CLEC6A: variants seen among roughly 807,000 people sequenced by gnomAD.
The protein encoded by CLEC6A is C-type lectin domain containing 6A.
In CLEC6A, 22 loss-of-function variants were observed where a neutral mutation model predicts 25.7. The ratio of observed to expected loss-of-function variants is 0.85; its 90% CI spans 0.61 to 1.22. The LOEUF (loss-of-function observed/expected upper bound fraction) is 1.22. Ranked by LOEUF, CLEC6A falls within the 50% of genes most tolerant of loss-of-function variation. The pLI is 0.00. For missense variants in CLEC6A, 240 were observed against 236.8 expected (o/e 1.01, Z -0.09); for synonymous variants, 92 against 76.7 (o/e 1.20, Z -1.04).
intron 4 of CLEC6A, among the ~76,000 whole-genome samples, chr12:8,468,222 C>T (rs1157437918): frequency 2.6e-5 from 4 of 152,156 alleles, no homozygotes; most frequent in Admixed American, 6.5e-5. Context: ...GGATTACAGG[C>T]GTGAGCCACC....
Position 8,477,724 on chromosome 12 carries a change from C to T in CLEC6A, c.*260C>T. ...CTTGTTATTCATTTTTTTCTTTCTT[C>T]ACACTTCATTACACAAATATTTATT... On this transcript the variant is annotated 3_prime_UTR_variant, in exon 6 of 6. Transcript: ENST00000382073. The T allele has an allele frequency of 3.6e-6, 1 of 274,932 alleles. No homozygotes were observed. The allele number at this position is 274,932 out of a possible 1,614,324, so 17.0% of individuals were successfully genotyped here. A position where few individuals can be genotyped will look rare whatever the true frequency, so the allele number is the denominator to read the frequency against.
At position 8,477,682 on chromosome 12, in the gene CLEC6A, T is replaced by A; in HGVS notation, c.*218T>A. ...AATGATAGAATGCACCCTTCCTCTCTTTGTTCCATTCTTTCACTTGTTATT... is the reference window on the plus strand; with the variant it reads ...AATGATAGAATGCACCCTTCCTCTCATTGTTCCATTCTTTCACTTGTTATT... On this transcript the variant is annotated 3_prime_UTR_variant, in exon 6 of 6. Transcript: ENST00000382073. 2.7e-6 allele frequency: 1 copy of A among 363,904 alleles called. No homozygotes were observed. Among genetic ancestry groups the A allele is most frequent in the Non-Finnish European group, 4.9e-6 (1 of 203,426 alleles). The allele number at this position is 363,904 out of a possible 1,614,324, so 22.5% of individuals were successfully genotyped here. A position where few individuals can be genotyped will look rare whatever the true frequency, so the allele number is the denominator to read the frequency against.
intron 3 of CLEC6A, among the ~76,000 whole-genome samples, chr12:8,460,303 A>G (rs1035224611): frequency 6.6e-6 from 1 of 152,216 alleles, no homozygotes; most frequent in African/African-American, 2.4e-5. Flanking sequence ...CCTCACAATC[A>G]TGGTGGAAGG....
rs202005542 is a variant in CLEC6A at position 8,476,241 on chromosome 12, G to T, written c.485+1G>T. The T allele has an allele frequency of 1.5e-5, 23 of 1,544,172 alleles. No homozygotes were observed. The highest frequency in any genetic ancestry group is 1.5e-5 in the Non-Finnish European group (17 of 1,124,760). ...AGACACCTTATGAGAAAAATGTCAGGTGAGTGCAGTTCTGGGGCCTTGTTT... is the reference window on the plus strand; with the variant it reads ...AGACACCTTATGAGAAAAATGTCAGTTGAGTGCAGTTCTGGGGCCTTGTTT... On this transcript the variant is annotated splice_donor_variant, in intron 5 of 5. Coordinates refer to ENST00000382073, the MANE Select transcript of CLEC6A (RefSeq NM_001007033.2). LOFTEE classifies it high-confidence loss of function.
chr12:8,459,170 T>G (rs1325670126), intron 2 of CLEC6A, among the ~76,000 whole-genome samples: 1 of 152,126 alleles, frequency 6.6e-6, no homozygotes, highest in African/African-American at 2.4e-5. Context: ...TGTAGGTGTT[T>G]GTGATTAAAA....
At chr12:8,465,346 C>A in intron 3 of CLEC6A, 138 bp from the exon 4 acceptor site, 1 of 755,798 alleles carries the variant, frequency 1.3e-6, no homozygotes, top group Non-Finnish European at 2.0e-6. Context: ...GAAATCAATT[C>A]TAGGAACCCA....
At chr12:8,468,413 T>C (rs1054642330) in intron 4 of CLEC6A, among the ~76,000 whole-genome samples, 9 of 152,252 alleles carry the variant, frequency 5.9e-5, no homozygotes, top group Admixed American at 2.0e-4. Flanking sequence ...TTGTTACATA[T>C]AAGATTATGT....
At position 8,477,372 on chromosome 12, in the gene CLEC6A, G is replaced by A. The variant is rs746519277; in HGVS notation, c.538G>A (p.Val180Ile). The change falls in exon 6 of 6, where the codon GTC becomes ATC. Residue 180 changes from valine to isoleucine, a missense_variant. Coordinates refer to ENST00000382073, the MANE Select transcript of CLEC6A (RefSeq NM_001007033.2). ...TTCTGCAGAGCAATGTGCTTCAATA[G>A]TCTTCTGGAAACCTACAGGATGGGG... ...NHSAEQCASI[V>I]FWKPTGWGWN... The A allele has an allele frequency of 3.1e-6, 5 of 1,612,534 alleles. No individual in the cohort carries two copies. Among genetic ancestry groups the A allele is most frequent in the Admixed American group, 1.7e-5 (1 of 59,876 alleles).
In CLEC6A at chr12:8,465,465, TC is replaced by T. The variant is rs916414878; in HGVS notation, c.224-18del. On this transcript the variant is annotated intron_variant, in intron 3 of 5. Transcript: ENST00000382073. ...CTTATCTTGCACTCACTCTTTTTTT[TC>T]ATGTAACACAAAAATAGCCTGGGGA... 2 of 1,613,558 alleles carry T rather than the reference TC, an allele frequency of 1.2e-6. No homozygotes were observed. The highest frequency in any genetic ancestry group is 3.3e-5 in the Admixed American group (2 of 59,976).
chr12:8,466,812 G>A lies in CLEC6A; in HGVS notation c.369+1183G>A, dbSNP rs199607657. 1.8e-4 allele frequency among the ~76,000 whole-genome samples: 26 copies of A among 144,116 alleles called. 1 individual carries two copies. The East Asian group carries it at 3.6e-3, about 20-fold the overall frequency. The allele number at this position is 144,116 out of a possible 152,430, so 94.5% of individuals were successfully genotyped here. A position where few individuals can be genotyped will look rare whatever the true frequency, so the allele number is the denominator to read the frequency against. ...TGGGCTTACAGGTGCCTGCCACCACGATTGGCTAATTTTTGTATTTTTAGT... is the reference window on the plus strand; with the variant it reads ...TGGGCTTACAGGTGCCTGCCACCACAATTGGCTAATTTTTGTATTTTTAGT... On this transcript the variant is annotated intron_variant, in intron 4 of 5. Transcript: ENST00000382073.
chr12:8,471,537 A>G (rs1430223366), intron 4 of CLEC6A, among the ~76,000 whole-genome samples: 2 of 151,900 alleles, frequency 1.3e-5, no homozygotes, highest in Non-Finnish European at 2.9e-5. Flanking sequence ...GAATTCTATG[A>G]ATTTCTTCTG....
At chr12:8,475,839 AG>A (rs1433592415) in intron 4 of CLEC6A, among the ~76,000 whole-genome samples, 12 of 152,138 alleles carry the variant, frequency 7.9e-5, no homozygotes, top group Admixed American at 2.6e-4. Flanking sequence ...ATAAAAAAAA[AG>A]ATTGAAAACA....
At position 8,466,716 on chromosome 12, in the gene CLEC6A, C is replaced by T. The variant is rs140443639; in HGVS notation, c.369+1087C>T. 8.8e-4 allele frequency among the ~76,000 whole-genome samples: 132 copies of T among 150,574 alleles called. 1 individual carries two copies. In the East Asian group the frequency reaches 0.019, roughly 21 times the overall value. ...TGTTGCCCAGGCTGGAGTGCAGTGG[C>T]GCAATCTCAGCTCACTGCAACATCT... is the stretch of plus-strand genomic sequence containing the variant. On this transcript the variant is annotated intron_variant, in intron 4 of 5. Transcript: ENST00000382073.
rs1939764170 is a variant in CLEC6A, at chr12:8,462,098, C to T, written c.223+2400C>T. ...GTGCTCTCTGAAACACGTGCTGTGT[C>T]AACTCAGGGTTAAATGGATTAAGGG... On this transcript the variant is annotated intron_variant, in intron 3 of 5. Transcript: ENST00000382073. Among the ~76,000 whole-genome samples the T allele has an allele frequency of 5.9e-5, 9 of 152,320 alleles. No homozygotes were observed. In the South Asian group the frequency reaches 1.9e-3, roughly 32 times the overall value.
At chr12:8,460,252 AAG>A in intron 3 of CLEC6A, among the ~76,000 whole-genome samples, 1 of 152,218 alleles carries the variant, frequency 6.6e-6, no homozygotes, top group East Asian at 1.9e-4. Context: ...TTACAAAAGA[AAG>A]AGGTTTATTG....
chr12:8,457,771 C>G, intron 1 of CLEC6A, 127 bp from the exon 2 acceptor site: 1 of 669,244 alleles, frequency 1.5e-6, no homozygotes, highest in Non-Finnish European at 2.7e-6. Flanking sequence ...TGTAAGCTGT[C>G]TTCTTGCTTT....
At chr12:8,476,390 AT>A in intron 5 of CLEC6A, 150 bp downstream of exon 5, 2 of 542,840 alleles carry the variant, frequency 3.7e-6, no homozygotes, top group Non-Finnish European at 6.4e-6. Flanking sequence ...CTTAAACTTC[AT>A]GAAAACTTCT....
At chr12:8,477,208 T>C in intron 5 of CLEC6A, 112 bp from the exon 6 acceptor site, 1 of 762,342 alleles carries the variant, frequency 1.3e-6, no homozygotes, top group Non-Finnish European at 2.1e-6. Flanking sequence ...GAACAATCAT[T>C]GGAATGTTCT....
chr12:8,460,836 C>A, intron 3 of CLEC6A: 1 of 1,003,346 alleles, frequency 1.0e-6, no homozygotes, highest in Non-Finnish European at 1.6e-6. Context: ...GCCAAAAACG[C>A]CCAGTTCCTA....
Sources: allele counts gnomAD v4.1 joint callset (sites outside exome capture counted in the v4.1 genomes callset), GRCh38; gene constraint gnomAD v4.1.1; transcripts MANE v1.5; gene names NCBI Gene and HGNC (gene_info 2026-07-23, HGNC 2026-07-21).